Variants in DTNBP1 observed in about 807,000 individuals in gnomAD.
The protein encoded by DTNBP1 is dystrobrevin binding protein 1.
A neutral mutation model predicts 42.8 loss-of-function variants in DTNBP1; 35 were observed. The ratio of observed to expected loss-of-function variants is 0.82; its 90% CI spans 0.63 to 1.09. The LOEUF is 1.09. Among genes scored for constraint, DTNBP1 ranks in the 50% least tolerant of loss-of-function variants. The pLI, the probability that DTNBP1 is intolerant of heterozygous loss-of-function variation, is 0.00. For synonymous variants in DTNBP1, 171 were observed against 162.2 expected (o/e 1.05, Z -0.41); for missense variants, 457 against 424.2 (o/e 1.08, Z -0.68).
At chr6:15,646,546 A>G (rs1316718993) in intron 3 of DTNBP1, among the ~76,000 whole-genome samples, 1 of 152,044 alleles carries the variant, frequency 6.6e-6, no homozygotes, top group Admixed American at 6.5e-5. Flanking sequence ...TCAAAAAAAG[A>G]GCCTGAATAG....
At chr6:15,638,799 T>A (rs1002037214) in intron 3 of DTNBP1, among the ~76,000 whole-genome samples, 1 of 151,316 alleles carries the variant, frequency 6.6e-6, no homozygotes, top group Non-Finnish European at 1.5e-5. Context: ...AATAGAAAAA[T>A]CCAAATTCAT....
chr6:15,594,154 C>A (rs1776408418), intron 6 of DTNBP1, among the ~76,000 whole-genome samples: 1 of 152,104 alleles, frequency 6.6e-6, no homozygotes. Flanking sequence ...CAAGAATTTT[C>A]AATCCTATTT....
At chr6:15,585,775 G>C (rs1383049080) in intron 7 of DTNBP1, 1 of 1,534,204 alleles carries the variant, frequency 6.5e-7, no homozygotes, top group Admixed American at 2.0e-5. Context: ...TGTGAGACCT[G>C]AAGGAGTGAA....
intron 7 of DTNBP1, among the ~76,000 whole-genome samples, chr6:15,583,376 T>C (rs1445987407): frequency 6.6e-6 from 1 of 152,196 alleles, no homozygotes; most frequent in East Asian, 1.9e-4. Context: ...AGTTGGCCAC[T>C]TGACTTCTCC....
At position 15,524,581 on chromosome 6, in the gene DTNBP1, C is replaced by T; in HGVS notation, c.756G>A (p.Leu252=). Residue 252 remains leucine, a synonymous_variant, in exon 9 of 10, where the codon CTG becomes CTA. Coordinates refer to ENST00000344537, the MANE Select transcript of DTNBP1 (RefSeq NM_032122.5). The stretch of plus-strand genomic sequence containing the variant: ...CTCCTCCAGAGTTCAGGAAGACGTC[C>T]AGGGCCTCCTGGTCCGATATGTCCA... ...DLMDISDQEA[L]DVFLNSGGEE... 1 of 1,612,666 alleles carries T rather than the reference C, an allele frequency of 6.2e-7. No individual in the cohort carries two copies. The highest frequency in any genetic ancestry group is 8.5e-7 in the Non-Finnish European group (1 of 1,179,292).
chr6:15,648,553 T>C (rs528716962), intron 3 of DTNBP1, among the ~76,000 whole-genome samples: 1 of 152,180 alleles, frequency 6.6e-6, no homozygotes, highest in South Asian at 2.1e-4. Flanking sequence ...CAAAGTATGA[T>C]ATTAAATCAA....
intron 8 of DTNBP1, among the ~76,000 whole-genome samples, chr6:15,525,214 C>T (rs1326571347): frequency 6.6e-6 from 1 of 152,226 alleles, no homozygotes; most frequent in African/African-American, 2.4e-5. Flanking sequence ...GAAAACAAAA[C>T]CCAGCCCACC....
intron 6 of DTNBP1, among the ~76,000 whole-genome samples, chr6:15,601,221 A>T (rs901761086): frequency 2.0e-5 from 3 of 152,224 alleles, no homozygotes; most frequent in Admixed American, 2.0e-4. Context: ...CTTCAAATGA[A>T]TCATGGATTT....
intron 5 of DTNBP1, among the ~76,000 whole-genome samples, chr6:15,623,176 G>A (rs13217513): frequency 0.17 from 26,589 of 152,138 alleles, 2,699 homozygotes; most frequent in Non-Finnish European, 0.24. Flanking sequence ...GCCTCTTGAA[G>A]GGTCTAGCCT....
chr6:15,567,830 G>A (rs573846353), intron 7 of DTNBP1, among the ~76,000 whole-genome samples: 1 of 152,180 alleles, frequency 6.6e-6, no homozygotes, highest in South Asian at 2.1e-4. Context: ...TTATTTCACC[G>A]ACAAAACAAT....
intron 5 of DTNBP1, among the ~76,000 whole-genome samples, chr6:15,626,271 T>G (rs995133773): frequency 3.9e-5 from 6 of 152,224 alleles, no homozygotes. Context: ...GAATTACAGA[T>G]AGTATCTGTA....
chr6:15,630,273 C>T (rs1759613385), intron 4 of DTNBP1, among the ~76,000 whole-genome samples: 1 of 152,110 alleles, frequency 6.6e-6, no homozygotes, highest in South Asian at 2.1e-4. Flanking sequence ...TAGTGTTAAG[C>T]CATTTTATAG....
chr6:15,527,532 CAAGAAATCCATAGCTTTG>C (rs1402466781), intron 8 of DTNBP1, among the ~76,000 whole-genome samples: 4 of 152,016 alleles, frequency 2.6e-5, no homozygotes, highest in Non-Finnish European at 5.9e-5. Context: ...GGTACCCCTG[CAAGAAATCCATAGCTTTG>C]AATGCCTTAC....
intron 1 of DTNBP1, among the ~76,000 whole-genome samples, chr6:15,657,640 C>T (rs1256253844): frequency 6.6e-6 from 1 of 152,186 alleles, no homozygotes; most frequent in Non-Finnish European, 1.5e-5. Context: ...AGCCACAGAA[C>T]TTATGGCCGT....
intron 5 of DTNBP1, among the ~76,000 whole-genome samples, chr6:15,624,569 G>T (rs1461094752): frequency 6.6e-6 from 1 of 152,148 alleles, no homozygotes; most frequent in Non-Finnish European, 1.5e-5. Flanking sequence ...AGGGCCTCTA[G>T]AGAGCAAAGT....
At chr6:15,557,405 G>A (rs10456201) in intron 7 of DTNBP1, among the ~76,000 whole-genome samples, 1 of 151,978 alleles carries the variant, frequency 6.6e-6, no homozygotes, top group South Asian at 2.1e-4. Flanking sequence ...AGTTAAAGGG[G>A]TAATATTCAG....
intron 7 of DTNBP1, among the ~76,000 whole-genome samples, chr6:15,547,087 G>A (rs1477941155): frequency 6.6e-6 from 1 of 151,528 alleles, no homozygotes; most frequent in Non-Finnish European, 1.5e-5. Context: ...CAGTTTGAGG[G>A]GAAAAAATGG....
chr6:15,590,173 A>T (rs1338418719), intron 7 of DTNBP1, among the ~76,000 whole-genome samples: 1 of 152,150 alleles, frequency 6.6e-6, no homozygotes, highest in Non-Finnish European at 1.5e-5. Flanking sequence ...ACCTCAAGTG[A>T]TCCGCTTGCC....
intron 6 of DTNBP1, among the ~76,000 whole-genome samples, chr6:15,596,582 C>A (rs942408458): frequency 6.6e-6 from 1 of 152,184 alleles, no homozygotes; most frequent in Non-Finnish European, 1.5e-5. Context: ...GCTATTGTCT[C>A]CATCCCTTCC....
Sources: gnomAD v4.1 joint callset for allele counts (sites outside exome capture counted in the v4.1 genomes callset) on GRCh38, gnomAD v4.1.1 for gene constraint, MANE v1.5 for transcripts, NCBI Gene and HGNC (gene_info 2026-07-23, HGNC 2026-07-21) for gene names.